The following ANKRD36C variants were observed in gnomAD, a reference collection of about 807,000 sequenced individuals.
ANKRD36C encodes the protein ankyrin repeat domain 36C, also known as ankyrin repeat domain-containing protein 36C.
A neutral mutation model predicts 276.4 loss-of-function variants in ANKRD36C; 61 were observed. The ratio of observed to expected loss-of-function variants is 0.22; its 90% CI spans 0.18 to 0.27. The LOEUF (loss-of-function observed/expected upper bound fraction) is 0.27. Ranked by LOEUF, ANKRD36C falls within the 10% of genes least tolerant of loss-of-function variation. The pLI is 1.00. For synonymous variants in ANKRD36C, 483 were observed against 680.1 expected, an observed-to-expected ratio of 0.71 and a Z score of 4.51; for missense variants, 1,447 against 2,032.3, an observed-to-expected ratio of 0.71 and a Z score of 5.54.
intron 60 of ANKRD36C, among the ~76,000 whole-genome samples, chr2:95,861,744 A>C (rs1291787965): frequency 6.6e-6 from 1 of 152,166 alleles, no homozygotes; most frequent in Admixed American, 6.6e-5. Context: ...TAACTATATC[A>C]ATAATCACAT....
At chr2:95,973,185 G>A (rs1466876133) in intron 6 of ANKRD36C, among the ~76,000 whole-genome samples, 23 of 151,938 alleles carry the variant, frequency 1.5e-4, no homozygotes, top group Non-Finnish European at 1.5e-4. Flanking sequence ...AGGCTGGGGC[G>A]GGCGGATCAC....
intron 28 of ANKRD36C, among the ~76,000 whole-genome samples, chr2:95,926,031 A>C (rs185925717): frequency 6.6e-6 from 1 of 151,682 alleles, no homozygotes; most frequent in African/African-American, 2.4e-5. Context: ...ACTTTAGTAG[A>C]ATGTACACTT....
intron 10 of ANKRD36C, among the ~76,000 whole-genome samples, chr2:95,959,022 C>A (rs1032642671): frequency 1.3e-5 from 2 of 152,280 alleles, no homozygotes; most frequent in African/African-American, 4.8e-5. Context: ...CTTCATATGT[C>A]TATTACTGCA....
At chr2:95,913,742 T>G (rs1198628150) in intron 40 of ANKRD36C, among the ~76,000 whole-genome samples, 1 of 151,438 alleles carries the variant, frequency 6.6e-6, no homozygotes, top group Non-Finnish European at 1.5e-5. Context: ...TTTCTGTCTT[T>G]TCTTGGCAGT....
At chr2:95,910,376 T>C in intron 42 of ANKRD36C, 1 of 1,539,036 alleles carries the variant, frequency 6.5e-7, no homozygotes. Flanking sequence ...AAATTACCTG[T>C]CCTAGATTTT....
chr2:95,939,581 T>C (rs907006062), intron 20 of ANKRD36C, among the ~76,000 whole-genome samples: 1 of 152,294 alleles, frequency 6.6e-6, no homozygotes, highest in African/African-American at 2.4e-5. Flanking sequence ...GGCAGGAGCC[T>C]GTAGTCCCAG....
At chr2:95,982,189 G>C in intron 4 of ANKRD36C, 67 bp downstream of exon 4, 1 of 1,257,798 alleles carries the variant, frequency 8.0e-7, no homozygotes, top group Non-Finnish European at 1.1e-6. Flanking sequence ...TGTGACTTCA[G>C]TGACCGCTAC....
At chr2:95,959,815 G>A (rs1200387219) in intron 10 of ANKRD36C, among the ~76,000 whole-genome samples, 1 of 151,948 alleles carries the variant, frequency 6.6e-6, no homozygotes, top group Non-Finnish European at 1.5e-5. Context: ...TAACAAAGAG[G>A]GTTAACAGGT....
At chr2:95,863,714 T>A (rs1476498161) in intron 60 of ANKRD36C, among the ~76,000 whole-genome samples, 3 of 152,136 alleles carry the variant, frequency 2.0e-5, no homozygotes, top group Non-Finnish European at 2.9e-5. Context: ...AAATGCATAT[T>A]ACCAAGTGAC....
intron 36 of ANKRD36C, among the ~76,000 whole-genome samples, chr2:95,917,415 G>C (rs1177976736): frequency 6.6e-6 from 1 of 151,474 alleles, no homozygotes; most frequent in Non-Finnish European, 1.5e-5. Flanking sequence ...TGCTACATCA[G>C]GGGTCTCCTT....
intron 19 of ANKRD36C, among the ~76,000 whole-genome samples, chr2:95,943,671 A>C (rs1315549397): frequency 1.3e-5 from 2 of 151,914 alleles, no homozygotes; most frequent in Non-Finnish European, 1.5e-5. Flanking sequence ...ATATTACTTT[A>C]AAAAACTTTT....
rs559113525 is a variant in ANKRD36C, at chr2:95,986,760, T to G, written c.477A>C (p.Glu159Asp). 135 of 1,611,572 alleles carry G rather than the reference T, an allele frequency of 8.4e-5. 1 individual carries two copies. In the South Asian group the frequency reaches 1.4e-3, roughly 17 times the overall value. ...ATTGGTTGACCTATACCTCGCTGCA[T>G]TCTTCAATATTTGCACCATATGAAA... Residue 159 changes from glutamate (E) to aspartate (D), a missense_variant, in exon 3 of 67, where the codon GAA becomes GAC. By Grantham distance (45) the Glu-to-Asp change is conservative (BLOSUM62 2). This residue lies in a region of ANKRD36C where 158 missense variants were observed against 218.0 expected (regional missense o/e 0.72). Coordinates refer to ENST00000456556, the Ensembl canonical transcript of ANKRD36C.
At chr2:95,911,335 C>T (rs916251076) in intron 42 of ANKRD36C, among the ~76,000 whole-genome samples, 8 of 151,448 alleles carry the variant, frequency 5.3e-5, no homozygotes, top group African/African-American at 1.9e-4. Context: ...ATAAGTTTTA[C>T]ATTCAGAAAT....
chr2:95,858,917 TCAG>T (rs1163596110), intron 61 of ANKRD36C, among the ~76,000 whole-genome samples: 5 of 152,176 alleles, frequency 3.3e-5, no homozygotes, highest in African/African-American at 1.2e-4. Context: ...ATACATGTCT[TCAG>T]CATAAAACTG....
intron 60 of ANKRD36C, among the ~76,000 whole-genome samples, chr2:95,866,098 C>A (rs1210021008): frequency 6.6e-6 from 1 of 152,142 alleles, no homozygotes; most frequent in African/African-American, 2.4e-5. Flanking sequence ...AAAAAGTGAA[C>A]TTGAATCCAT....
chr2:95,908,644 A>G, intron 42 of ANKRD36C, 25 bp downstream of exon 47: 1 of 1,565,350 alleles, frequency 6.4e-7, no homozygotes, highest in Non-Finnish European at 8.7e-7. Flanking sequence ...TTACTAGTTC[A>G]CAACATAAAT....
chr2:95,867,306 A>T (rs1248094579), intron 60 of ANKRD36C, 134 bp downstream of exon 80: 5 of 788,288 alleles, frequency 6.3e-6, no homozygotes, highest in Non-Finnish European at 9.9e-6. Flanking sequence ...CTTTCATTCT[A>T]TTTTAACATA....
At chr2:95,870,273 G>A (rs1675775472) in intron 59 of ANKRD36C, among the ~76,000 whole-genome samples, 1 of 152,158 alleles carries the variant, frequency 6.6e-6, no homozygotes, top group East Asian at 1.9e-4. Context: ...CCAGGTAGGG[G>A]CAGACTGACA....
At chr2:95,932,629 A>G in intron 24 of ANKRD36C, among the ~76,000 whole-genome samples, 1 of 152,310 alleles carries the variant, frequency 6.6e-6, no homozygotes, top group Non-Finnish European at 1.5e-5. Context: ...ATTATAGAAA[A>G]CCCAAAACCG....
Sources: gnomAD v4.1 joint callset for allele counts (sites outside exome capture counted in the v4.1 genomes callset) on GRCh38, gnomAD v4.1.1 for gene constraint, gnomAD v4.1.1 regional missense constraint, MANE v1.5 for transcripts, NCBI Gene and HGNC (gene_info 2026-07-23, HGNC 2026-07-21) for gene names.